EML6: variants seen among roughly 807,000 people sequenced by gnomAD.
The protein encoded by EML6 is EMAP like 6.
A neutral mutation model predicts 240.1 loss-of-function variants in EML6; 154 were observed. The ratio of observed to expected loss-of-function variants is 0.64; its 90% CI spans 0.56 to 0.73. The LOEUF is 0.73. Among genes scored for constraint, EML6 ranks in the 30% least tolerant of loss-of-function variants. The probability of loss-of-function intolerance (pLI) is 0.00; values close to 1 mark genes in which losing one functional copy is unlikely to be tolerated. For missense variants in EML6, 2,964 were observed against 2,474.6 expected (o/e 1.20, Z -4.20); for synonymous variants, 1,148 against 899.0 (o/e 1.28, Z -4.95).
chr2:54,847,752 TCTACGA>T, intron 9 of EML6, 129 bp downstream of exon 9: 4 of 946,654 alleles, frequency 4.2e-6, no homozygotes, highest in South Asian at 1.8e-5. Flanking sequence ...ATACTATAGA[TCTACGA>T]TCCCCTATCT....
chr2:54,945,528 C>G (rs1482217921), intron 28 of EML6, among the ~76,000 whole-genome samples: 2 of 152,100 alleles, frequency 1.3e-5, no homozygotes, highest in South Asian at 2.1e-4. Context: ...CTGGTTGGAA[C>G]GACTTGGTTT....
chr2:54,795,451 G>A (rs935528991), intron 2 of EML6, among the ~76,000 whole-genome samples: 1 of 152,162 alleles, frequency 6.6e-6, no homozygotes, highest in Non-Finnish European at 1.5e-5. Flanking sequence ...GATTACAATT[G>A]GAGATGAGAC....
intron 26 of EML6, among the ~76,000 whole-genome samples, chr2:54,917,924 C>T (rs1029491527): frequency 2.6e-5 from 4 of 152,206 alleles, no homozygotes; most frequent in Admixed American, 6.5e-5. Flanking sequence ...GTAATCTGAT[C>T]AGGTCAGAGC....
chr2:54,835,676 A>G (rs904034123), intron 7 of EML6, among the ~76,000 whole-genome samples: 4 of 152,132 alleles, frequency 2.6e-5, no homozygotes, highest in Admixed American at 2.6e-4. Context: ...GAGTACTGCG[A>G]TGGTCAGATA....
Position 54,895,290 on chromosome 2 carries a change from A to G in EML6, c.2872A>G (p.Asn958Asp), listed in dbSNP as rs1038472598. 6.4e-7 allele frequency: 1 copy of G among 1,551,710 alleles called. No homozygotes were observed. Among genetic ancestry groups the G allele is most frequent in the African/African-American group, 1.4e-5 (1 of 73,156 alleles). Reference protein sequence around the residue: ...TSSKGLLLEDNPSIRAITLGH... With the variant: ...TSSKGLLLEDDPSIRAITLGH... ...TTCCCCAGGCTTGCTTTTGGAAGAT[A>G]ACCCTTCAATTCGTGCCATCACTTT... Residue 958 changes from asparagine to aspartate, a missense_variant, in exon 21 of 42, where the codon AAC (asparagine) becomes GAC (aspartate). Transcript: ENST00000356458.
intron 35 of EML6, 95 bp from the exon 36 acceptor site, chr2:54,962,427 CT>C: frequency 2.1e-6 from 2 of 962,406 alleles, no homozygotes; most frequent in Non-Finnish European, 3.0e-6. Context: ...CATCATTCTA[CT>C]TTCTGTCTCC....
intron 2 of EML6, among the ~76,000 whole-genome samples, chr2:54,780,635 T>C (rs1668813037): frequency 6.6e-6 from 1 of 152,214 alleles, no homozygotes; most frequent in African/African-American, 2.4e-5. Context: ...TTGTCTAAGA[T>C]AATAATAATT....
intron 4 of EML6, among the ~76,000 whole-genome samples, chr2:54,819,428 T>G (rs1668223923): frequency 6.6e-6 from 1 of 152,168 alleles, no homozygotes; most frequent in African/African-American, 2.4e-5. Context: ...CTTTTCCTTC[T>G]TGTCTCTGGA....
intron 34 of EML6, 138 bp downstream of exon 34, chr2:54,959,399 C>G: frequency 1.2e-6 from 1 of 812,880 alleles, no homozygotes; most frequent in Non-Finnish European, 1.9e-6. Context: ...AGTCTGCTCT[C>G]TCTCCAAGAG....
intron 5 of EML6, among the ~76,000 whole-genome samples, chr2:54,823,114 AC>A (rs1668406197): frequency 3.3e-5 from 5 of 152,226 alleles, no homozygotes; most frequent in Non-Finnish European, 7.3e-5. Context: ...AGAAAAACAG[AC>A]GCCACTTTCA....
In EML6 at chr2:54,724,103, AG is replaced by A; in HGVS notation, c.-514+328del. ...TTTCTCCTCGACCAGGAGCGTTTGT[AG>A]GTAGCGCACTCCCTCCGACTGCACT... On this transcript the variant is annotated intron_variant, in intron 1 of 41. Transcript: ENST00000356458. The surrounding 1 kb of genome is among the most constrained non-coding windows in gnomAD (Gnocchi z 5.2). Among the ~76,000 whole-genome samples the A allele has an allele frequency of 6.6e-6, 1 of 152,230 alleles. No individual in the cohort carries two copies. The highest frequency in any genetic ancestry group is 2.4e-5 in the African/African-American group (1 of 41,552).
chr2:54,746,463 C>G (rs957622830), intron 2 of EML6, among the ~76,000 whole-genome samples: 14 of 151,996 alleles, frequency 9.2e-5, no homozygotes, highest in African/African-American at 3.4e-4. Flanking sequence ...GTTAATTATT[C>G]CTGAAATTTC....
chr2:54,814,734 G>C (rs578062898), intron 3 of EML6, among the ~76,000 whole-genome samples: 1 of 152,270 alleles, frequency 6.6e-6, no homozygotes, highest in South Asian at 2.1e-4. Flanking sequence ...AAAACAATTA[G>C]CATTTACTTG....
At chr2:54,782,145 A>G (rs1053005287) in intron 2 of EML6, among the ~76,000 whole-genome samples, 2 of 152,190 alleles carry the variant, frequency 1.3e-5, no homozygotes, top group Non-Finnish European at 2.9e-5. Flanking sequence ...TGTTCTAACT[A>G]AGTTTTATTT....
At chr2:54,871,673 C>A in intron 16 of EML6, 68 bp downstream of exon 16, 1 of 1,155,912 alleles carries the variant, frequency 8.7e-7, no homozygotes, top group Non-Finnish European at 1.3e-6. Flanking sequence ...AGAGTATGCC[C>A]CGCGCATGCG....
intron 26 of EML6, among the ~76,000 whole-genome samples, chr2:54,921,635 AAG>A (rs1339100905): frequency 1.3e-5 from 2 of 152,162 alleles, no homozygotes; most frequent in Non-Finnish European, 2.9e-5. Context: ...AATCCCAAGA[AAG>A]AATAAAGCTG....
rs376811290 is a variant in EML6 at position 54,785,836 on chromosome 2, TC to T, written c.198-27394del. ...GAGTTTTTTCAAATTGTCACAAATCTCCAAAAAAATGTTTTAGTGTATTTAC... is the reference window on the plus strand; with the variant it reads ...GAGTTTTTTCAAATTGTCACAAATCTCAAAAAAATGTTTTAGTGTATTTAC... On this transcript the variant is annotated intron_variant, in intron 2 of 41. Coordinates refer to ENST00000356458, the MANE Select transcript of EML6 (RefSeq NM_001039753.4). Among the ~76,000 whole-genome samples the T allele has an allele frequency of 2.4e-3, 359 of 152,142 alleles. 15 individuals are homozygous for T. In the South Asian group the frequency reaches 0.07, roughly 30 times the overall value.
chr2:54,912,559 C>G (rs1200598547), intron 25 of EML6, among the ~76,000 whole-genome samples: 1 of 152,140 alleles, frequency 6.6e-6, no homozygotes, highest in African/African-American at 2.4e-5. Flanking sequence ...GCCTTTGCCA[C>G]CTCCTCTCTC....
chr2:54,837,922 A>G (rs1572978157), intron 7 of EML6, among the ~76,000 whole-genome samples: 1 of 152,182 alleles, frequency 6.6e-6, no homozygotes, highest in Admixed American at 6.5e-5. Flanking sequence ...GCCTTGGAAC[A>G]TGGGTTTTAA....
Sources: gnomAD v4.1 joint callset for allele counts (sites outside exome capture counted in the v4.1 genomes callset) on GRCh38, gnomAD v4.1.1 for gene constraint, Gnocchi (gnomAD v3.1) non-coding constraint, MANE v1.5 for transcripts, NCBI Gene and HGNC (gene_info 2026-07-23, HGNC 2026-07-21) for gene names.